The following SCFD2 variants were observed in gnomAD, a reference collection of about 807,000 sequenced individuals.
SCFD2 encodes the protein sec1 family domain-containing protein 2.
A neutral mutation model predicts 58.9 loss-of-function variants in SCFD2; 54 were observed. That is an observed-to-expected ratio of 0.92 (90% CI 0.74 to 1.15). SCFD2 has a LOEUF of 1.15. Ranked by LOEUF, SCFD2 falls within the 50% of genes most tolerant of loss-of-function variation. SCFD2 has a pLI of 0.00. For synonymous variants in SCFD2, 321 were observed against 335.9 expected (o/e 0.96, Z 0.49); for missense variants, 805 against 836.6 (o/e 0.96, Z 0.47).
intron 4 of SCFD2, among the ~76,000 whole-genome samples, chr4:53,225,192 T>C (rs1729167016): frequency 6.6e-6 from 1 of 152,216 alleles, no homozygotes; most frequent in Non-Finnish European, 1.5e-5. Context: ...TCAAGGTTTA[T>C]TGCCAAAGTG....
intron 5 of SCFD2, among the ~76,000 whole-genome samples, chr4:53,035,898 C>A (rs1279265823): frequency 6.6e-6 from 1 of 152,044 alleles, no homozygotes; most frequent in Non-Finnish European, 1.5e-5. Context: ...TTAGTTCCAC[C>A]ATTGTGGAAG....
intron 4 of SCFD2, among the ~76,000 whole-genome samples, chr4:53,258,075 G>A (rs1389895061): frequency 3.3e-5 from 5 of 152,110 alleles, no homozygotes; most frequent in Admixed American, 6.6e-5. Context: ...AGGTGCTAGT[G>A]GTTTCCAAGT....
intron 5 of SCFD2, among the ~76,000 whole-genome samples, chr4:52,972,396 A>C (rs2109553764): frequency 6.6e-6 from 1 of 152,344 alleles, no homozygotes; most frequent in South Asian, 2.1e-4. Context: ...ACTTTAAAGC[A>C]ACAAAGATCA....
At chr4:53,249,292 A>T (rs1730254045) in intron 4 of SCFD2, among the ~76,000 whole-genome samples, 3 of 152,192 alleles carry the variant, frequency 2.0e-5, no homozygotes, top group Non-Finnish European at 4.4e-5. Context: ...GCCTCCAAGA[A>T]ATATGGGACT....
Position 52,979,645 on chromosome 4 carries a change from G to T in SCFD2, c.1562-58775C>A, listed in dbSNP as rs1045745933. 2.2e-4 allele frequency among the ~76,000 whole-genome samples: 34 copies of T among 151,836 alleles called. 1 individual carries two copies. Among genetic ancestry groups the T allele is most frequent in the Admixed American group, 6.6e-4 (10 of 15,246 alleles). The stretch of plus-strand genomic sequence containing the variant: ...TTAGGAACACAGTTTGAGTTAATTG[G>T]GATTAACTCAGTAAATCCCAATTAT... On this transcript the variant is annotated intron_variant, in intron 5 of 8. Transcript: ENST00000401642.
rs192976999 is a variant in SCFD2, at chr4:53,341,982, G to A, written c.1007+10616C>T. ...GCACTAAACATGGAAAGGAACAACC[G>A]GTACCAGCCACTGCAGAAACATACC... is the stretch of plus-strand genomic sequence containing the variant. On this transcript the variant is annotated intron_variant, in intron 2 of 8. Coordinates refer to ENST00000401642, the MANE Select transcript of SCFD2 (RefSeq NM_152540.4). 2.0e-3 allele frequency among the ~76,000 whole-genome samples: 306 copies of A among 152,180 alleles called. 1 individual carries two copies. The highest frequency in any genetic ancestry group is 7.1e-3 in the African/African-American group (293 of 41,516).
intron 5 of SCFD2, among the ~76,000 whole-genome samples, chr4:53,083,211 C>G (rs1253987133): frequency 1.3e-5 from 2 of 151,928 alleles, no homozygotes; most frequent in African/African-American, 4.8e-5. Context: ...CTGGTGAGGT[C>G]ACAGAAAGAA....
At chr4:52,879,233 A>G (rs1217044948) in intron 8 of SCFD2, among the ~76,000 whole-genome samples, 1 of 152,216 alleles carries the variant, frequency 6.6e-6, no homozygotes, top group Admixed American at 6.5e-5. Context: ...CCCAGCCACC[A>G]TACCTGCCCT....
rs542281109 is a variant in SCFD2, at chr4:53,357,489, T to C, written c.839-4723A>G. Among the ~76,000 whole-genome samples, 19 of 152,108 alleles carry C rather than the reference T, an allele frequency of 1.2e-4. No homozygotes were observed. The South Asian group carries it at 3.7e-3, about 30-fold the overall frequency. On this transcript the variant is annotated intron_variant, in intron 1 of 8. Coordinates refer to ENST00000401642, the MANE Select transcript of SCFD2 (RefSeq NM_152540.4). ...AGGTTAGAATACAAAAACAGGTGGATATTTTTCCCTCTTTACAAATGAGAA... is the reference window on the plus strand; with the variant it reads ...AGGTTAGAATACAAAAACAGGTGGACATTTTTCCCTCTTTACAAATGAGAA...
rs1018493903 is a variant in SCFD2 at position 52,873,039 on chromosome 4, C to T, written c.*930G>A. On this transcript the variant is annotated 3_prime_UTR_variant, in exon 9 of 9. Coordinates refer to ENST00000401642, the MANE Select transcript of SCFD2 (RefSeq NM_152540.4). ...ATGCCAGAAACTTCCATCGACCATA[C>T]ACCTACAAACATGTGGGTTGCAAGT... 2 of 152,222 alleles carry T rather than the reference C, an allele frequency of 1.3e-5. No individual in the cohort carries two copies. The highest frequency in any genetic ancestry group is 2.9e-5 in the Non-Finnish European group (2 of 68,042). 9.4% of individuals were successfully genotyped at this position (152,222 alleles called of 1,614,324 possible). A position where few individuals can be genotyped will look rare whatever the true frequency, so the allele number is the denominator to read the frequency against.
chr4:53,021,617 G>A (rs1438744984), intron 5 of SCFD2, among the ~76,000 whole-genome samples: 8 of 151,984 alleles, frequency 5.3e-5, no homozygotes, highest in Non-Finnish European at 7.4e-5. Flanking sequence ...GGGGCGCAGC[G>A]GCAAGTCAAG....
In SCFD2 at chr4:53,162,049, G is replaced by A. The variant is rs542113368; in HGVS notation, c.1312-16467C>T. ...TCTCCAGCCAGTGCCAACTCAACAT[G>A]TCCACTCTTTGCTTGAGCTCTTGGT... On this transcript the variant is annotated intron_variant, in intron 4 of 8. Coordinates refer to ENST00000401642, the MANE Select transcript of SCFD2 (RefSeq NM_152540.4). Among the ~76,000 whole-genome samples, 23 of 152,144 alleles carry A rather than the reference G, an allele frequency of 1.5e-4. 1 individual carries two copies. The East Asian group carries it at 4.3e-3, about 28-fold the overall frequency.
chr4:52,904,385 C>T (rs1372016107), intron 7 of SCFD2, among the ~76,000 whole-genome samples: 1 of 152,160 alleles, frequency 6.6e-6, no homozygotes. Context: ...GGAGCAGATT[C>T]CAGAGGAACA....
intron 4 of SCFD2, among the ~76,000 whole-genome samples, chr4:53,242,022 G>T (rs73816051): frequency 6.2e-4 from 95 of 152,320 alleles, no homozygotes; most frequent in African/African-American, 2.2e-3. Flanking sequence ...CTGGACAGGG[G>T]CTCCCAGCCC....
intron 5 of SCFD2, among the ~76,000 whole-genome samples, chr4:52,974,960 T>C (rs1337425795): frequency 6.6e-6 from 1 of 152,180 alleles, no homozygotes; most frequent in Non-Finnish European, 1.5e-5. Flanking sequence ...GAAAACTGGC[T>C]GGCCATATGT....
intron 5 of SCFD2, among the ~76,000 whole-genome samples, chr4:52,930,346 A>G (rs1411654167): frequency 1.3e-5 from 2 of 152,196 alleles, no homozygotes; most frequent in East Asian, 3.8e-4. Flanking sequence ...TATGCCTTAT[A>G]TGAAAATTAA....
intron 5 of SCFD2, among the ~76,000 whole-genome samples, chr4:53,139,583 G>T (rs1183854570): frequency 1.3e-5 from 2 of 150,878 alleles, no homozygotes; most frequent in Non-Finnish European, 3.0e-5. Flanking sequence ...CCCCGTCCGG[G>T]AGGTGGGGGG....
At chr4:53,174,490 G>A (rs1727269915) in intron 4 of SCFD2, among the ~76,000 whole-genome samples, 1 of 152,156 alleles carries the variant, frequency 6.6e-6, no homozygotes, top group African/African-American at 2.4e-5. Flanking sequence ...GGCTGCAGAT[G>A]TATCAATAGC....
intron 4 of SCFD2, among the ~76,000 whole-genome samples, chr4:53,244,298 C>T (rs1729994191): frequency 6.6e-6 from 1 of 152,144 alleles, no homozygotes; most frequent in Admixed American, 6.5e-5. Context: ...CTACTCATCA[C>T]CACATGGCAC....
Sources: gnomAD v4.1 joint callset for allele counts (sites outside exome capture counted in the v4.1 genomes callset) on GRCh38, gnomAD v4.1.1 for gene constraint, MANE v1.5 for transcripts, NCBI Gene and HGNC (gene_info 2026-07-23, HGNC 2026-07-21) for gene names.